RIN3: variants seen among roughly 807,000 people sequenced by gnomAD.
RIN3 encodes RAB5 interacting protein 3.
Under a neutral mutation model 76.3 loss-of-function variants are expected in RIN3, and 54 were observed. That is an observed-to-expected ratio of 0.71 (90% CI 0.57 to 0.89). The LOEUF (loss-of-function observed/expected upper bound fraction) is 0.89. Ranked by LOEUF, RIN3 falls within the 40% of genes least tolerant of loss-of-function variation. The pLI, the probability that RIN3 is intolerant of heterozygous loss-of-function variation, is 0.00. For synonymous variants in RIN3, 576 were observed against 564.0 expected, an observed-to-expected ratio of 1.02 and a Z score of -0.30; for missense variants, 1,256 against 1,322.1, an observed-to-expected ratio of 0.95 and a Z score of 0.78.
intron 1 of RIN3, among the ~76,000 whole-genome samples, chr14:92,518,297 G>A (rs917152868): frequency 1.3e-5 from 2 of 152,208 alleles, no homozygotes; most frequent in African/African-American, 4.8e-5. Flanking sequence ...TGTCCTACAT[G>A]CACTTGGCAC....
chr14:92,631,677 T>C (rs985114591), intron 4 of RIN3, among the ~76,000 whole-genome samples: 1 of 152,206 alleles, frequency 6.6e-6, no homozygotes, highest in Admixed American at 6.5e-5. Context: ...CTGGGCTCAC[T>C]GCATCCTCCA....
chr14:92,580,438 C>CCAGG (rs1898400518), intron 3 of RIN3, among the ~76,000 whole-genome samples: 1 of 152,224 alleles, frequency 6.6e-6, no homozygotes. Flanking sequence ...CCACTCTGTG[C>CCAGG]CAGGCACTGT....
rs1410361225 is a variant in RIN3 at position 92,561,044 on chromosome 14, A to ATATAT, written c.249+5089_249+5090insTATAT. 1.1e-3 allele frequency among the ~76,000 whole-genome samples: 26 copies of ATATAT among 24,398 alleles called. 2 individuals are homozygous for ATATAT. Among genetic ancestry groups the ATATAT allele is most frequent in the East Asian group, 3.7e-3 (2 of 540 alleles). The allele number at this position is 24,398 out of a possible 152,430, so 16.0% of individuals were successfully genotyped here. On this transcript the variant is annotated intron_variant, in intron 2 of 9. Coordinates refer to ENST00000216487, the MANE Select transcript of RIN3 (RefSeq NM_024832.5). ...CTAAAAAAAAAAAAAAAAAAAAAAAAATATATATATATCTGCCATATATAT... is the reference window on the plus strand; with the variant it reads ...CTAAAAAAAAAAAAAAAAAAAAAAAATATATATATATATATATCTGCCATATATAT...
At chr14:92,548,281 A>G (rs1483588010) in intron 1 of RIN3, among the ~76,000 whole-genome samples, 1 of 152,024 alleles carries the variant, frequency 6.6e-6, no homozygotes, top group African/African-American at 2.4e-5. Flanking sequence ...AGAAGCGTAG[A>G]CTCTGGAGCC....
intron 7 of RIN3, among the ~76,000 whole-genome samples, chr14:92,661,549 C>T (rs933571752): frequency 2.6e-5 from 4 of 152,096 alleles, no homozygotes; most frequent in African/African-American, 9.7e-5. Flanking sequence ...CATGGTGAAA[C>T]CCCATCTCTA....
rs1448881192 is a variant in RIN3, at chr14:92,688,007, C to A, written c.2713C>A (p.Leu905Met). The A allele has an allele frequency of 3.8e-6, 6 of 1,576,636 alleles. No individual in the cohort carries two copies. The highest frequency in any genetic ancestry group is 5.2e-6 in the Non-Finnish European group (6 of 1,162,616). The change falls in exon 10 of 10, where the codon CTG (leucine) becomes ATG (methionine). Residue 905 changes from leucine to methionine, a missense_variant. By Grantham distance (15) the Leu-to-Met change is conservative. Around this residue, in one of 3 missense-constraint regions of RIN3, gnomAD observed 218 missense variants for 174.5 expected, o/e 1.25. Coordinates refer to ENST00000216487, the MANE Select transcript of RIN3 (RefSeq NM_024832.5). Reference protein sequence around the residue: ...ASRADTQAQALCAQCAEKFAV... With the variant: ...ASRADTQAQAMCAQCAEKFAV... The stretch of plus-strand genomic sequence containing the variant: ...GCGGGCGGACACCCAGGCCCAGGCG[C>A]TGTGCGCGCAGTGCGCGGAGAAGTT...
intron 1 of RIN3, among the ~76,000 whole-genome samples, chr14:92,550,992 A>G (rs987697048): frequency 3.8e-4 from 58 of 152,324 alleles, no homozygotes; most frequent in African/African-American, 1.3e-3. Context: ...GTTTTGTTAC[A>G]TATCTTTACA....
At chr14:92,636,073 G>A (rs190678194) in intron 4 of RIN3, among the ~76,000 whole-genome samples, 63 of 152,282 alleles carry the variant, frequency 4.1e-4, no homozygotes, top group Non-Finnish European at 7.8e-4. Flanking sequence ...CCCAGTCTTC[G>A]GAGCTGCGAG....
intron 2 of RIN3, among the ~76,000 whole-genome samples, chr14:92,561,524 T>C (rs958388795): frequency 1.3e-5 from 2 of 152,086 alleles, no homozygotes; most frequent in Non-Finnish European, 2.9e-5. Flanking sequence ...TAGTTTTAGA[T>C]TTACAGAAAA....
At chr14:92,555,297 T>C (rs923721974) in intron 1 of RIN3, among the ~76,000 whole-genome samples, 1 of 152,168 alleles carries the variant, frequency 6.6e-6, no homozygotes, top group Non-Finnish European at 1.5e-5. Flanking sequence ...TCTGTTACAT[T>C]TATACTTGTA....
intron 4 of RIN3, among the ~76,000 whole-genome samples, chr14:92,636,450 G>A (rs926535729): frequency 1.3e-5 from 2 of 152,212 alleles, no homozygotes; most frequent in Admixed American, 1.3e-4. Context: ...CAGGCGTGGT[G>A]GCACACGCCT....
At chr14:92,599,259 T>C (rs1243854566) in intron 3 of RIN3, among the ~76,000 whole-genome samples, 1 of 145,594 alleles carries the variant, frequency 6.9e-6, no homozygotes, top group Non-Finnish European at 1.5e-5. Flanking sequence ...GTGTGAAGAC[T>C]GGAGTTCAGG....
Position 92,587,427 on chromosome 14 carries a change from G to A in RIN3, c.367+9950G>A, listed in dbSNP as rs182968478. Among the ~76,000 whole-genome samples the A allele has an allele frequency of 3.3e-5, 5 of 152,338 alleles. No homozygotes were observed. In the East Asian group the frequency reaches 5.8e-4, roughly 18 times the overall value. On this transcript the variant is annotated intron_variant, in intron 3 of 9. Transcript: ENST00000216487. ...GTACAGTAATGCCCCTCTAGGAAAC[G>A]GGAACATAGGGACAGTGGAGGAGTT... is the stretch of plus-strand genomic sequence containing the variant.
At chr14:92,537,846 T>TA (rs1555381604) in intron 1 of RIN3, among the ~76,000 whole-genome samples, 1 of 148,138 alleles carries the variant, frequency 6.8e-6, no homozygotes, top group African/African-American at 2.5e-5. Flanking sequence ...TATTTATTTT[T>TA]TTTTTTTTGA....
chr14:92,616,868 A>G (rs1885989162), intron 4 of RIN3, among the ~76,000 whole-genome samples: 1 of 152,192 alleles, frequency 6.6e-6, no homozygotes, highest in Non-Finnish European at 1.5e-5. Flanking sequence ...TTTGCAGGAG[A>G]AAAGAAGAAA....
intron 2 of RIN3, 71 bp downstream of exon 2, chr14:92,556,026 C>G (rs1317152435): frequency 1.2e-5 from 15 of 1,272,512 alleles, no homozygotes. Flanking sequence ...CCACACCTGC[C>G]CTGGCTCCCA....
chr14:92,622,228 G>A (rs757609351), intron 4 of RIN3, among the ~76,000 whole-genome samples: 12 of 152,192 alleles, frequency 7.9e-5, no homozygotes, highest in African/African-American at 1.2e-4. Flanking sequence ...CCACTTTGGG[G>A]AGGTTGAGGT....
chr14:92,552,845 TA>T (rs1172640906), intron 1 of RIN3, among the ~76,000 whole-genome samples: 1 of 152,064 alleles, frequency 6.6e-6, no homozygotes, highest in Non-Finnish European at 1.5e-5. Context: ...CCCTAGAATG[TA>T]AATACCGTGA....
chr14:92,685,060 G>A lies in RIN3; in HGVS notation c.2541G>A (p.Arg847=), dbSNP rs1037571749. ...IKSYDKITVT[R]QLSVEVQDSI... The stretch of plus-strand genomic sequence containing the variant: ...GCTACGACAAGATCACGGTGACCCG[G>A]CAGCTGAGTGTGGAGGTGCAGGACT... Residue 847 remains arginine, a synonymous_variant, in exon 9 of 10, where the codon CGG becomes CGA. Coordinates refer to ENST00000216487, the MANE Select transcript of RIN3 (RefSeq NM_024832.5). The surrounding 1 kb of genome is among the most constrained non-coding windows in gnomAD (Gnocchi z 4.7). The A allele has an allele frequency of 6.8e-6, 11 of 1,613,886 alleles. No individual in the cohort carries two copies. The Admixed American group carries it at 1.8e-4, about 27-fold the overall frequency.
Sources: gnomAD v4.1 joint callset for allele counts (sites outside exome capture counted in the v4.1 genomes callset) on GRCh38, gnomAD v4.1.1 for gene constraint, gnomAD v4.1.1 regional missense constraint, Gnocchi (gnomAD v3.1) non-coding constraint, MANE v1.5 for transcripts, NCBI Gene and HGNC (gene_info 2026-07-23, HGNC 2026-07-21) for gene names.